The following ADAM10 variants were observed in gnomAD, a reference collection of about 807,000 sequenced individuals.
The protein encoded by ADAM10 is ADAM metallopeptidase domain 10.
Under a neutral mutation model 90.1 loss-of-function variants are expected in ADAM10, and 17 were observed. That is an observed-to-expected ratio of 0.19 (90% CI 0.13 to 0.28). ADAM10 has a LOEUF of 0.28. Among genes scored for constraint, ADAM10 ranks in the 10% least tolerant of loss-of-function variants. The pLI is 1.00. For synonymous variants in ADAM10, 310 were observed against 298.6 expected (o/e 1.04, Z -0.40); for missense variants, 610 against 914.3 (o/e 0.67, Z 4.29).
At chr15:58,673,229 G>A (rs1278797129) in intron 4 of ADAM10, among the ~76,000 whole-genome samples, 1 of 152,132 alleles carries the variant, frequency 6.6e-6, no homozygotes, top group African/African-American at 2.4e-5. Flanking sequence ...GAAACAGTAT[G>A]AGAGCTGTAA....
chr15:58,652,672 T>C (rs1204356925), intron 5 of ADAM10, among the ~76,000 whole-genome samples: 4 of 152,204 alleles, frequency 2.6e-5, no homozygotes, highest in Admixed American at 1.3e-4. Flanking sequence ...GGTAATATGA[T>C]TCCTCCAATT....
chr15:58,706,009 C>T (rs1898276897), intron 2 of ADAM10, among the ~76,000 whole-genome samples: 1 of 152,166 alleles, frequency 6.6e-6, no homozygotes, highest in African/African-American at 2.4e-5. Flanking sequence ...CAGTTTCAGG[C>T]ATTCATTGGG....
Position 58,616,317 on chromosome 15 carries a change from T to G in ADAM10, c.1512-4326A>C, listed in dbSNP as rs150884816. On this transcript the variant is annotated intron_variant, in intron 11 of 15. Transcript: ENST00000260408. ...TACAGAACATTTCATCCAACAGCTG[T>G]GGCAGAATACACATTCTTTTCATTA... 1.7e-3 allele frequency among the ~76,000 whole-genome samples: 266 copies of G among 152,310 alleles called. 2 individuals carry two copies. The highest frequency in any genetic ancestry group is 3.7e-3 in the Admixed American group (57 of 15,298).
At chr15:58,685,140 G>C (rs560129703) in intron 2 of ADAM10, among the ~76,000 whole-genome samples, 1 of 139,010 alleles carries the variant, frequency 7.2e-6, no homozygotes, top group Admixed American at 7.4e-5. Flanking sequence ...TCAAATCATA[G>C]ACCTCTAAGT....
chr15:58,665,839 T>C (rs1897069302), intron 4 of ADAM10, among the ~76,000 whole-genome samples: 1 of 152,008 alleles, frequency 6.6e-6, no homozygotes, highest in Non-Finnish European at 1.5e-5. Context: ...TTACTGTCAG[T>C]CTCTCTGACA....
intron 2 of ADAM10, among the ~76,000 whole-genome samples, chr15:58,685,902 A>G (rs1369932689): frequency 6.6e-6 from 1 of 152,172 alleles, no homozygotes; most frequent in African/African-American, 2.4e-5. Context: ...TCAAATTACT[A>G]ACTTAGAAAT....
chr15:58,707,366 A>T (rs1898336546), intron 2 of ADAM10: 1 of 152,018 alleles, frequency 6.6e-6, no homozygotes, highest in Non-Finnish European at 1.5e-5. Flanking sequence ...CTTGGTCAGC[A>T]GAGCGAGACT....
At chr15:58,651,165 T>A (rs771895052) in intron 5 of ADAM10, among the ~76,000 whole-genome samples, 5 of 152,178 alleles carry the variant, frequency 3.3e-5, no homozygotes, top group African/African-American at 1.2e-4. Flanking sequence ...ATAAGATATA[T>A]AATACTTTGA....
At chr15:58,657,361 AG>A (rs1192357359) in intron 5 of ADAM10, among the ~76,000 whole-genome samples, 6 of 152,098 alleles carry the variant, frequency 3.9e-5, no homozygotes, top group Non-Finnish European at 8.8e-5. Flanking sequence ...TAGATATTAT[AG>A]GTGTTCTTCA....
intron 8 of ADAM10, among the ~76,000 whole-genome samples, chr15:58,634,417 GA>G (rs1306051099): frequency 1.3e-5 from 2 of 151,760 alleles, no homozygotes; most frequent in African/African-American, 4.8e-5. Flanking sequence ...ATGTCTTTAG[GA>G]CACTATCAAA....
chr15:58,637,679 CTAAGA>C (rs1236796930), intron 8 of ADAM10, among the ~76,000 whole-genome samples: 2 of 151,900 alleles, frequency 1.3e-5, no homozygotes, highest in African/African-American at 2.4e-5. Context: ...AAAGAAAAGG[CTAAGA>C]TGTTACTGTG....
At position 58,600,705 on chromosome 15, in the gene ADAM10, G is replaced by C. The variant is rs141531589; in HGVS notation, c.2026-981C>G. 8.3e-4 allele frequency among the ~76,000 whole-genome samples: 126 copies of C among 152,216 alleles called. 1 individual carries two copies. Among genetic ancestry groups the C allele is most frequent in the African/African-American group, 2.8e-3 (117 of 41,526 alleles). ...GATAAATTTATAGGAAAATTACTGT[G>C]TCTAGTCTTAAATTATATTTTGCAA... On this transcript the variant is annotated intron_variant, in intron 14 of 15. Transcript: ENST00000260408.
chr15:58,739,020 A>G (rs1266233215), intron 1 of ADAM10, among the ~76,000 whole-genome samples: 7 of 152,042 alleles, frequency 4.6e-5, no homozygotes, highest in African/African-American at 1.4e-4. Context: ...CCCTTTTCCC[A>G]TAAGATATCC....
At chr15:58,651,376 G>A (rs1896684066) in intron 5 of ADAM10, among the ~76,000 whole-genome samples, 1 of 152,046 alleles carries the variant, frequency 6.6e-6, no homozygotes, top group African/African-American at 2.4e-5. Context: ...TTTTGTGCCC[G>A]TTAACCATCC....
chr15:58,714,451 A>G (rs2140811322), intron 2 of ADAM10, among the ~76,000 whole-genome samples: 1 of 152,278 alleles, frequency 6.6e-6, no homozygotes, highest in South Asian at 2.1e-4. Context: ...TATGTGTTAA[A>G]GTATACTGAT....
At chr15:58,603,372 C>T (rs1895167284) in intron 14 of ADAM10, among the ~76,000 whole-genome samples, 1 of 152,124 alleles carries the variant, frequency 6.6e-6, no homozygotes, top group Admixed American at 6.5e-5. Flanking sequence ...GCCAGTAGAG[C>T]CCCTTCAGTT....
chr15:58,727,174 ATCTT>A (rs1899060022), intron 1 of ADAM10, among the ~76,000 whole-genome samples: 1 of 129,080 alleles, frequency 7.7e-6, no homozygotes, highest in African/African-American at 3.1e-5. Flanking sequence ...TGCCTGACTA[ATCTT>A]TTTTTTTTTT....
intron 1 of ADAM10, among the ~76,000 whole-genome samples, chr15:58,723,689 C>T (rs6494035): frequency 6.6e-6 from 1 of 151,682 alleles, no homozygotes; most frequent in African/African-American, 2.4e-5. Context: ...TGGGCAACAA[C>T]AGTGAGCCTC....
intron 5 of ADAM10, among the ~76,000 whole-genome samples, chr15:58,662,800 G>C (rs138453406): frequency 6.6e-6 from 1 of 152,324 alleles, no homozygotes; most frequent in African/African-American, 2.4e-5. Context: ...GATATCTGGA[G>C]CTTTTTCTCA....
Sources: gnomAD v4.1 joint callset for allele counts (sites outside exome capture counted in the v4.1 genomes callset) on GRCh38, gnomAD v4.1.1 for gene constraint, MANE v1.5 for transcripts, NCBI Gene and HGNC (gene_info 2026-07-23, HGNC 2026-07-21) for gene names.